CD86: variants seen among roughly 807,000 people sequenced by gnomAD.
The protein encoded by CD86 is CD86 molecule.
CD86 carries 11 observed loss-of-function variants against 32.1 expected under a neutral mutation model. The observed-to-expected ratio is 0.34, with a 90% CI of 0.22 to 0.57. The LOEUF (loss-of-function observed/expected upper bound fraction) is 0.57, where lower values mean the gene tolerates loss of function less well. CD86 is among the 20% of genes least tolerant of loss of function. The probability of loss-of-function intolerance (pLI) is 0.86; values close to 1 mark genes in which losing one functional copy is unlikely to be tolerated. For missense variants in CD86, 359 were observed against 398.4 expected, an observed-to-expected ratio of 0.90 and a Z score of 0.84; for synonymous variants, 137 against 135.3, an observed-to-expected ratio of 1.01 and a Z score of -0.09.
intron 1 of CD86, among the ~76,000 whole-genome samples, chr3:122,070,341 A>G (rs1392743393): frequency 2.0e-5 from 3 of 152,176 alleles, no homozygotes; most frequent in Non-Finnish European, 4.4e-5. Flanking sequence ...AAATAAAAGA[A>G]GATTCCCCAG....
At chr3:122,075,620 G>A (rs1318921770) in intron 1 of CD86, among the ~76,000 whole-genome samples, 2 of 152,190 alleles carry the variant, frequency 1.3e-5, no homozygotes, top group African/African-American at 4.8e-5. Context: ...CCTTGCTTGA[G>A]TGAGAGACTG....
intron 1 of CD86, among the ~76,000 whole-genome samples, chr3:122,064,588 T>C (rs952291169): frequency 4.6e-5 from 7 of 152,166 alleles, no homozygotes; most frequent in Non-Finnish European, 7.3e-5. Context: ...TGGTCACCAC[T>C]CTGTTGTCCT....
At chr3:122,065,957 C>G (rs961443302) in intron 1 of CD86, among the ~76,000 whole-genome samples, 1 of 152,148 alleles carries the variant, frequency 6.6e-6, no homozygotes, top group South Asian at 2.1e-4. Flanking sequence ...TGTGTCCATT[C>G]TATGGCTGAC....
intron 1 of CD86, among the ~76,000 whole-genome samples, chr3:122,057,799 T>C (rs745683015): frequency 4.6e-5 from 7 of 152,334 alleles, no homozygotes; most frequent in Non-Finnish European, 7.3e-5. Flanking sequence ...AGGCATGTTC[T>C]GATAGAATTT....
At chr3:122,062,723 C>T (rs1259922187) in intron 1 of CD86, among the ~76,000 whole-genome samples, 1 of 152,132 alleles carries the variant, frequency 6.6e-6, no homozygotes, top group Non-Finnish European at 1.5e-5. Context: ...AGCCTATTAG[C>T]TTCCTGAACT....
At chr3:122,107,123 A>G (rs143087954) in intron 4 of CD86, among the ~76,000 whole-genome samples, 3 of 152,338 alleles carry the variant, frequency 2.0e-5, no homozygotes, top group Non-Finnish European at 4.4e-5. Context: ...AATGAGATTT[A>G]TGGGCATTCA....
intron 5 of CD86, among the ~76,000 whole-genome samples, chr3:122,111,797 C>T (rs2073178472): frequency 6.6e-6 from 1 of 152,164 alleles, no homozygotes; most frequent in Admixed American, 6.5e-5. Flanking sequence ...AGGAATTTCT[C>T]CAAAAGTGGA....
chr3:122,096,861 T>A (rs79838847), intron 2 of CD86, among the ~76,000 whole-genome samples: 4,603 of 152,332 alleles, frequency 0.03, 229 homozygotes, highest in African/African-American at 0.1. Flanking sequence ...TGTTAAACCA[T>A]TTAACTTATT....
rs181107339 is a variant in CD86, at chr3:122,068,871, G to A, written c.14+13368G>A. 1.9e-3 allele frequency among the ~76,000 whole-genome samples: 293 copies of A among 152,270 alleles called. 1 individual carries two copies. The highest frequency in any genetic ancestry group is 3.3e-3 in the Non-Finnish European group (223 of 68,016). ...AATCACTTAGACCGTCCTTCCCCCAGGAAGTCCTCTCTACAGTGTTATCCA... is the reference window on the plus strand; with the variant it reads ...AATCACTTAGACCGTCCTTCCCCCAAGAAGTCCTCTCTACAGTGTTATCCA... On this transcript the variant is annotated intron_variant, in intron 1 of 6. Transcript: ENST00000330540.
intron 5 of CD86, among the ~76,000 whole-genome samples, chr3:122,112,708 C>T (rs1457290996): frequency 6.6e-6 from 1 of 152,108 alleles, no homozygotes; most frequent in Non-Finnish European, 1.5e-5. Context: ...ATTTTTTTGA[C>T]AGTGGCTTTT....
intron 1 of CD86, among the ~76,000 whole-genome samples, chr3:122,086,894 G>A (rs1036500153): frequency 8.3e-6 from 1 of 120,986 alleles, no homozygotes; most frequent in African/African-American, 3.3e-5. Context: ...AAACTGGTTG[G>A]CATTTTTAAA....
intron 1 of CD86, chr3:122,086,732 G>A (rs2072727693): frequency 5.0e-6 from 2 of 401,240 alleles, no homozygotes; most frequent in South Asian, 3.7e-5. Context: ...ATACTTTGGG[G>A]CCCCTTCTTC....
intron 5 of CD86, among the ~76,000 whole-genome samples, chr3:122,116,727 A>T (rs1319177833): frequency 6.6e-6 from 1 of 152,220 alleles, no homozygotes; most frequent in African/African-American, 2.4e-5. Flanking sequence ...ATGGACTACT[A>T]ATAATACACA....
At chr3:122,059,206 T>A (rs1229772356) in intron 1 of CD86, among the ~76,000 whole-genome samples, 1 of 151,992 alleles carries the variant, frequency 6.6e-6, no homozygotes, top group Non-Finnish European at 1.5e-5. Context: ...TCTGCATAAG[T>A]ATGGTTGACA....
chr3:122,061,540 T>C (rs2072335093), intron 1 of CD86, among the ~76,000 whole-genome samples: 2 of 152,050 alleles, frequency 1.3e-5, no homozygotes, highest in African/African-American at 4.8e-5. Context: ...ATCAGAAAAA[T>C]GGGCAAAAGA....
chr3:122,107,668 C>T (rs970624314), intron 4 of CD86, among the ~76,000 whole-genome samples: 3 of 152,176 alleles, frequency 2.0e-5, no homozygotes, highest in Admixed American at 1.3e-4. Flanking sequence ...CCTTCTCCAG[C>T]GGTGATTTCT....
chr3:122,095,074 T>G (rs897500955), intron 2 of CD86, among the ~76,000 whole-genome samples: 17 of 152,066 alleles, frequency 1.1e-4, no homozygotes, highest in African/African-American at 3.9e-4. Context: ...TGTCTGAGGG[T>G]TCTCTGGGTC....
intron 1 of CD86, among the ~76,000 whole-genome samples, chr3:122,060,250 T>G (rs1220414949): frequency 1.3e-5 from 2 of 152,204 alleles, no homozygotes; most frequent in Admixed American, 6.5e-5. Context: ...AGTAGGAGAA[T>G]GACTGAAAAT....
rs9282643 is a variant in CD86 at position 122,077,742 on chromosome 3, G to A, written c.15-13859G>A. 3.7e-4 allele frequency: 365 copies of A among 985,232 alleles called. No individual in the cohort carries two copies. In the African/African-American group the frequency reaches 5.9e-3, roughly 16 times the overall value. 61.0% of individuals were successfully genotyped at this position (985,232 alleles called of 1,614,324 possible). A position where few individuals can be genotyped will look rare whatever the true frequency, so the allele number is the denominator to read the frequency against. On this transcript the variant is annotated intron_variant, in intron 1 of 6. Transcript: ENST00000330540. ...CTTTACACTCATGCTCCGAGGGTAC[G>A]TTTGTAGTCATTCTCATCAGTGGAA...
Sources: allele counts gnomAD v4.1 joint callset (sites outside exome capture counted in the v4.1 genomes callset), GRCh38; gene constraint gnomAD v4.1.1; transcripts MANE v1.5; gene names NCBI Gene and HGNC (gene_info 2026-07-23, HGNC 2026-07-21).